The following GLI2 variants were observed in gnomAD, a reference collection of about 807,000 sequenced individuals.
GLI2 encodes the protein transcription activator GLI2.
GLI2 carries 22 observed loss-of-function variants against 78.9 expected under a neutral mutation model. The ratio of observed to expected loss-of-function variants is 0.28; its 90% CI spans 0.20 to 0.40. The LOEUF is 0.40. GLI2 is among the 10% of genes least tolerant of loss of function. The probability of loss-of-function intolerance (pLI) is 1.00; values close to 1 mark genes in which losing one functional copy is unlikely to be tolerated. For missense variants in GLI2, 2,097 were observed against 2,213.2 expected (o/e 0.95, Z 1.05); for synonymous variants, 974 against 963.7 (o/e 1.01, Z -0.20).
chr2:120,786,781 C>T (rs1364570724), intron 1 of GLI2, among the ~76,000 whole-genome samples: 6 of 152,162 alleles, frequency 3.9e-5, no homozygotes, highest in Non-Finnish European at 8.8e-5. Flanking sequence ...TCGATTACTG[C>T]ACTTTTCCTG....
At chr2:120,820,794 T>C (rs1011892107) in intron 2 of GLI2, among the ~76,000 whole-genome samples, 13 of 152,186 alleles carry the variant, frequency 8.5e-5, no homozygotes, top group Non-Finnish European at 1.8e-4. Context: ...CACTCAAGTG[T>C]TCCAGTGGCC....
At chr2:120,950,172 G>A (rs1037822007) in intron 3 of GLI2, among the ~76,000 whole-genome samples, 2 of 152,218 alleles carry the variant, frequency 1.3e-5, no homozygotes, top group Non-Finnish European at 2.9e-5. Flanking sequence ...CCACAGATGA[G>A]GAAACTGAGG....
At chr2:120,951,582 C>T in intron 4 of GLI2, 137 bp downstream of exon 4, 2 of 611,010 alleles carry the variant, frequency 3.3e-6, no homozygotes, top group Non-Finnish European at 5.9e-6. Flanking sequence ...CGTTCCTTCA[C>T]ACTACTTCCA....
At chr2:120,926,407 C>T (rs144597622) in intron 2 of GLI2, among the ~76,000 whole-genome samples, 3 of 152,156 alleles carry the variant, frequency 2.0e-5, no homozygotes, top group Non-Finnish European at 4.4e-5. Flanking sequence ...GTCAGCTGAC[C>T]TGTACATACC....
intron 2 of GLI2, among the ~76,000 whole-genome samples, chr2:120,856,473 G>A (rs1687649386): frequency 6.6e-6 from 1 of 152,146 alleles, no homozygotes; most frequent in African/African-American, 2.4e-5. Context: ...GTAGAGATTT[G>A]GATGGGGTTC....
Position 120,989,419 on chromosome 2 carries a change from G to A in GLI2, c.3454G>A (p.Gly1152Ser). ...GGTGAAGCCTCCACCCTTTCCTCAGGGCAACCTGGCGGTGGTGCAGCAGAA... is the reference window on the plus strand; with the variant it reads ...GGTGAAGCCTCCACCCTTTCCTCAGAGCAACCTGGCGGTGGTGCAGCAGAA... ...SQVKPPPFPQ[G>S]NLAVVQQKPA... Residue 1152 changes from glycine to serine, a missense_variant, in exon 14 of 14, where the codon GGC becomes AGC. By Grantham distance (56) the Gly-to-Ser change is moderately conservative. This residue lies in a region of GLI2 where 1,290 missense variants were observed against 1,261.7 expected (regional missense o/e 1.02). Coordinates refer to ENST00000361492, the MANE Select transcript of GLI2 (RefSeq NM_001374353.1). 6.2e-7 allele frequency: 1 copy of A among 1,613,084 alleles called. No homozygotes were observed. Among genetic ancestry groups the A allele is most frequent in the Admixed American group, 1.7e-5 (1 of 60,032 alleles).
intron 2 of GLI2, among the ~76,000 whole-genome samples, chr2:120,902,975 T>G (rs1558870254): frequency 6.6e-6 from 1 of 152,126 alleles, no homozygotes; most frequent in East Asian, 1.9e-4. Flanking sequence ...TGGTATGAGC[T>G]GAGGCAGGAG....
intron 3 of GLI2, among the ~76,000 whole-genome samples, chr2:120,939,239 G>A (rs560314484): frequency 2.1e-3 from 321 of 152,052 alleles, no homozygotes; most frequent in South Asian, 0.013. Context: ...CTGAGATGGC[G>A]CCATTGCACT....
chr2:120,905,411 G>C (rs1319867927), intron 2 of GLI2, among the ~76,000 whole-genome samples: 1 of 152,210 alleles, frequency 6.6e-6, no homozygotes, highest in Non-Finnish European at 1.5e-5. Flanking sequence ...CAGCCAGCCA[G>C]GGAGTGAGGT....
At chr2:120,767,932 G>A (rs955131007) in intron 1 of GLI2, among the ~76,000 whole-genome samples, 3 of 152,164 alleles carry the variant, frequency 2.0e-5, no homozygotes, top group Non-Finnish European at 2.9e-5. Context: ...AGAAGGACTC[G>A]ATGCCTGGTG....
chr2:120,744,932 T>C (rs1682651512), intron 1 of GLI2, among the ~76,000 whole-genome samples: 1 of 152,196 alleles, frequency 6.6e-6, no homozygotes, highest in South Asian at 2.1e-4. Context: ...AGGAATAATG[T>C]CTTTTTACTA....
Position 120,988,709 on chromosome 2 carries a change from C to T in GLI2, c.2744C>T (p.Pro915Leu), listed in dbSNP as rs2105088015. The change falls in exon 14 of 14, where the codon CCA (proline) becomes CTA (leucine). Residue 915 changes from proline to leucine, a missense_variant. By Grantham distance (98) the Pro-to-Leu change is moderately conservative. Coordinates refer to ENST00000361492, the MANE Select transcript of GLI2 (RefSeq NM_001374353.1). ...APERTLPAGC[P>L]RPLGPRRGSD... Reference sequence around the variant, plus strand: ...GAGCGCACGCTGCCCGCCGGCTGCCCACGCCCACTGGGGCCGCGGCGTGGC... The same window carrying T: ...GAGCGCACGCTGCCCGCCGGCTGCCTACGCCCACTGGGGCCGCGGCGTGGC... The T allele has an allele frequency of 8.2e-7, 1 of 1,224,450 alleles. No individual in the cohort carries two copies. Among genetic ancestry groups the T allele is most frequent in the Non-Finnish European group, 1.0e-6 (1 of 977,938 alleles). The allele number at this position is 1,224,450 out of a possible 1,614,324, so 75.8% of individuals were successfully genotyped here. A position where few individuals can be genotyped will look rare whatever the true frequency, so the allele number is the denominator to read the frequency against.
intron 2 of GLI2, among the ~76,000 whole-genome samples, chr2:120,834,701 C>T (rs1442662783): frequency 6.6e-6 from 1 of 152,178 alleles, no homozygotes; most frequent in African/African-American, 2.4e-5. Context: ...CCCCTTTGTT[C>T]ACAGACCTTT....
intron 5 of GLI2, among the ~76,000 whole-genome samples, chr2:120,965,885 T>C (rs1057355591): frequency 6.6e-6 from 1 of 152,212 alleles, no homozygotes; most frequent in Non-Finnish European, 1.5e-5. Flanking sequence ...CTGAGTGAGT[T>C]ACCTGCTCTG....
At chr2:120,869,159 G>T (rs1347183879) in intron 2 of GLI2, among the ~76,000 whole-genome samples, 1 of 152,186 alleles carries the variant, frequency 6.6e-6, no homozygotes, top group African/African-American at 2.4e-5. Context: ...ATTCCTGAGA[G>T]TGGCCTGGCC....
In GLI2 at chr2:120,970,479, G is replaced by T; in HGVS notation, c.932G>T (p.Gly311Val). The T allele has an allele frequency of 8.7e-6, 14 of 1,613,868 alleles. No individual in the cohort carries two copies. Among genetic ancestry groups the T allele is most frequent in the Non-Finnish European group, 1.2e-5 (14 of 1,179,878 alleles). Residue 311 changes from glycine to valine, a missense_variant, in exon 7 of 14, where the codon GGA becomes GTA. By Grantham distance (109) the Gly-to-Val change is moderately radical (BLOSUM62 -3). Coordinates refer to ENST00000361492, the MANE Select transcript of GLI2 (RefSeq NM_001374353.1). ...CAGAGGGGTCTGGGGTCAGCCTTTG[G>T]ACACACACCACCCCTGATCCAGCCC... ...SQQRGLGSAF[G>V]HTPPLIQPSP...
At chr2:120,923,628 TGCACATACACAGCAAC>T (rs1679511973) in intron 2 of GLI2, among the ~76,000 whole-genome samples, 1 of 151,604 alleles carries the variant, frequency 6.6e-6, no homozygotes, top group South Asian at 2.1e-4. Context: ...ACACACCACA[TGCACATACACAGCAAC>T]GCACATACAC....
intron 2 of GLI2, among the ~76,000 whole-genome samples, chr2:120,814,773 C>T (rs1351732398): frequency 1.4e-5 from 2 of 138,828 alleles, no homozygotes; most frequent in African/African-American, 2.7e-5. Context: ...GGGATTCCTG[C>T]CCCCGCCCGC....
Position 120,952,280 on chromosome 2 carries a change from C to T in GLI2, c.457+835C>T, listed in dbSNP as rs13402288. Reference sequence around the variant, plus strand: ...GCCAAGTGCAACTTCTCAGAATTCACGAAGCTAAGACTTGACCTCTCAGGC... The same window carrying T: ...GCCAAGTGCAACTTCTCAGAATTCATGAAGCTAAGACTTGACCTCTCAGGC... On this transcript the variant is annotated intron_variant, in intron 4 of 13. Coordinates refer to ENST00000361492, the MANE Select transcript of GLI2 (RefSeq NM_001374353.1). Among the ~76,000 whole-genome samples, 701 of 152,326 alleles carry T rather than the reference C, an allele frequency of 4.6e-3. 4 individuals are homozygous for T. Among genetic ancestry groups the T allele is most frequent in the African/African-American group, 0.016 (660 of 41,562 alleles).
Sources: allele counts gnomAD v4.1 joint callset (sites outside exome capture counted in the v4.1 genomes callset), GRCh38; gene constraint gnomAD v4.1.1; regional missense constraint gnomAD v4.1.1; transcripts MANE v1.5; gene names NCBI Gene and HGNC (gene_info 2026-07-23, HGNC 2026-07-21).